MAPKAP1: variants seen among roughly 807,000 people sequenced by gnomAD.
MAPKAP1 encodes MAPK associated protein 1.
In MAPKAP1, 20 loss-of-function variants were observed where a neutral mutation model predicts 65.7. The observed-to-expected ratio is 0.30, with a 90% CI of 0.21 to 0.44. MAPKAP1 has a LOEUF of 0.44. MAPKAP1 is among the 20% of genes least tolerant of loss of function. The pLI is 1.00. For missense variants in MAPKAP1, 423 were observed against 648.0 expected, an observed-to-expected ratio of 0.65 and a Z score of 3.77; for synonymous variants, 222 against 244.3, an observed-to-expected ratio of 0.91 and a Z score of 0.85.
chr9:125,481,318 C>G (rs1254552511), intron 9 of MAPKAP1, among the ~76,000 whole-genome samples: 1 of 152,000 alleles, frequency 6.6e-6, no homozygotes. Flanking sequence ...CATTCCAAGG[C>G]AGCGCTTTTC....
chr9:125,529,577 T>G (rs184957214), intron 7 of MAPKAP1, among the ~76,000 whole-genome samples: 8 of 152,332 alleles, frequency 5.3e-5, no homozygotes, highest in Admixed American at 5.2e-4. Context: ...GATTTGATAT[T>G]TCTGTGATTA....
At chr9:125,674,173 T>C (rs1006616839) in intron 1 of MAPKAP1, among the ~76,000 whole-genome samples, 2 of 152,050 alleles carry the variant, frequency 1.3e-5, no homozygotes, top group East Asian at 1.9e-4. Flanking sequence ...CTTTTTTTTT[T>C]CCTTCATTTA....
At chr9:125,511,199 AT>A (rs1829291848) in intron 7 of MAPKAP1, among the ~76,000 whole-genome samples, 1 of 150,780 alleles carries the variant, frequency 6.6e-6, no homozygotes, top group Non-Finnish European at 1.5e-5. Context: ...CATCATCATC[AT>A]CATCAGACTG....
chr9:125,608,858 C>A (rs545074215), intron 4 of MAPKAP1, among the ~76,000 whole-genome samples: 1 of 152,114 alleles, frequency 6.6e-6, no homozygotes, highest in South Asian at 2.1e-4. Context: ...AATATTAGTA[C>A]CAAGAGAAAT....
chr9:125,518,062 G>C (rs1421797973), intron 7 of MAPKAP1, among the ~76,000 whole-genome samples: 3 of 152,172 alleles, frequency 2.0e-5, no homozygotes, highest in African/African-American at 7.2e-5. Context: ...CCTTCCACAA[G>C]GTGGCCTTGA....
Position 125,439,567 on chromosome 9 carries a change from G to A in MAPKAP1, c.1444-555C>T, listed in dbSNP as rs1045995021. Among the ~76,000 whole-genome samples, 1 of 152,256 alleles carries A rather than the reference G, an allele frequency of 6.6e-6. No individual in the cohort carries two copies. Among genetic ancestry groups the A allele is most frequent in the African/African-American group, 2.4e-5 (1 of 41,474 alleles). On this transcript the variant is annotated intron_variant, in intron 11 of 11. Coordinates refer to ENST00000265960, the MANE Select transcript of MAPKAP1 (RefSeq NM_001006617.3). This position sits in a 1 kb window ranked among gnomAD's most constrained non-coding sequence, Gnocchi z 4.0. The stretch of plus-strand genomic sequence containing the variant: ...GACAAAAAGGAAAGAGGCTCAGAGA[G>A]GGAGGCCAAAGTGGCCTAGGCCACG...
chr9:125,525,192 G>A (rs992305283), intron 7 of MAPKAP1, among the ~76,000 whole-genome samples: 1 of 152,174 alleles, frequency 6.6e-6, no homozygotes, highest in African/African-American at 2.4e-5. Context: ...CTGAAAGGAG[G>A]GGACAGGACT....
At chr9:125,645,334 C>G (rs1356484538) in intron 4 of MAPKAP1, among the ~76,000 whole-genome samples, 3 of 152,202 alleles carry the variant, frequency 2.0e-5, no homozygotes, top group Non-Finnish European at 4.4e-5. Context: ...TCCCCCAACA[C>G]CTGAGAAACG....
intron 4 of MAPKAP1, among the ~76,000 whole-genome samples, chr9:125,621,861 T>C (rs1347568503): frequency 3.3e-5 from 5 of 152,230 alleles, no homozygotes; most frequent in Non-Finnish European, 5.9e-5. Context: ...CCATTGTTTA[T>C]TTTTAAAAGA....
chr9:125,611,884 T>C (rs78560584), intron 4 of MAPKAP1, among the ~76,000 whole-genome samples: 2,989 of 152,320 alleles, frequency 0.02, 160 homozygotes, highest in East Asian at 0.15. Flanking sequence ...TATTTCTGTC[T>C]AACTGATGGC....
At chr9:125,454,835 A>C (rs1853107658) in intron 10 of MAPKAP1, among the ~76,000 whole-genome samples, 1 of 152,172 alleles carries the variant, frequency 6.6e-6, no homozygotes, top group African/African-American at 2.4e-5. Context: ...AATTTGTTTA[A>C]AAAAAGAAGA....
chr9:125,566,505 C>T (rs779889224), intron 5 of MAPKAP1, among the ~76,000 whole-genome samples: 4 of 151,894 alleles, frequency 2.6e-5, no homozygotes, highest in African/African-American at 4.8e-5. Context: ...ATGAGGCTGC[C>T]GTGAGCTGCG....
intron 1 of MAPKAP1, among the ~76,000 whole-genome samples, chr9:125,673,338 G>A (rs376358337): frequency 6.6e-5 from 10 of 152,084 alleles, no homozygotes; most frequent in South Asian, 6.2e-4. Flanking sequence ...AAGATTCTCC[G>A]GCCTCAGCCT....
At chr9:125,466,685 C>A (rs539058493) in intron 10 of MAPKAP1, among the ~76,000 whole-genome samples, 2 of 152,282 alleles carry the variant, frequency 1.3e-5, no homozygotes, top group South Asian at 4.1e-4. Flanking sequence ...GCACTTTTCT[C>A]ACAGCCTTTT....
At chr9:125,670,482 T>C (rs1834465163) in intron 2 of MAPKAP1, among the ~76,000 whole-genome samples, 1 of 152,220 alleles carries the variant, frequency 6.6e-6, no homozygotes, top group Admixed American at 6.5e-5. Context: ...TTTGTATCTT[T>C]GTAACATTAG....
At chr9:125,563,922 A>C (rs923071335) in intron 5 of MAPKAP1, among the ~76,000 whole-genome samples, 2 of 152,196 alleles carry the variant, frequency 1.3e-5, no homozygotes, top group African/African-American at 4.8e-5. Context: ...CATGTTGGCC[A>C]GGCTGGTCTC....
intron 5 of MAPKAP1, chr9:125,565,241 AG>A (rs1831014590): frequency 6.6e-6 from 1 of 152,294 alleles, no homozygotes; most frequent in Non-Finnish European, 1.5e-5. Context: ...AGGCCAGTAT[AG>A]CTTTCACAAA....
At chr9:125,706,172 A>G (rs1835752124) in intron 1 of MAPKAP1, among the ~76,000 whole-genome samples, 1 of 152,090 alleles carries the variant, frequency 6.6e-6, no homozygotes, top group Non-Finnish European at 1.5e-5. Flanking sequence ...AATAAAACCC[A>G]TATCTAGGCT....
At chr9:125,530,179 C>T (rs1829894441) in intron 7 of MAPKAP1, among the ~76,000 whole-genome samples, 1 of 152,224 alleles carries the variant, frequency 6.6e-6, no homozygotes, top group African/African-American at 2.4e-5. Flanking sequence ...TAGCTAAAAT[C>T]AGTCTTGGTA....
Sources: gnomAD v4.1 joint callset for allele counts (sites outside exome capture counted in the v4.1 genomes callset) on GRCh38, gnomAD v4.1.1 for gene constraint, Gnocchi (gnomAD v3.1) non-coding constraint, MANE v1.5 for transcripts, NCBI Gene and HGNC (gene_info 2026-07-23, HGNC 2026-07-21) for gene names.